Variants in GLT1D1 observed in about 807,000 individuals in gnomAD.
GLT1D1 encodes the protein glycosyltransferase 1 domain-containing protein 1.
In GLT1D1, 21 loss-of-function variants were observed where a neutral mutation model predicts 28.7. The observed-to-expected ratio is 0.73, with a 90% CI of 0.52 to 1.05. GLT1D1 has a LOEUF of 1.05. Among genes scored for constraint, GLT1D1 ranks in the 50% least tolerant of loss-of-function variants. GLT1D1 has a pLI of 0.00. For missense variants in GLT1D1, 343 were observed against 330.6 expected (o/e 1.04, Z -0.29); for synonymous variants, 147 against 124.8 (o/e 1.18, Z -1.19).
chr12:128,865,195 C>A (rs1022452171), intron 1 of GLT1D1, among the ~76,000 whole-genome samples: 9 of 152,214 alleles, frequency 5.9e-5, no homozygotes, highest in African/African-American at 9.6e-5. Flanking sequence ...CCTTCCCAGA[C>A]CCCTGTGAAC....
chr12:128,969,087 G>A (rs948262636), intron 7 of GLT1D1, among the ~76,000 whole-genome samples: 7 of 150,948 alleles, frequency 4.6e-5, no homozygotes, highest in Non-Finnish European at 5.9e-5. Flanking sequence ...TGTAGCCCTC[G>A]TCCTCCTCTC....
chr12:128,903,205 C>T (rs946459753), intron 4 of GLT1D1, among the ~76,000 whole-genome samples: 1 of 151,644 alleles, frequency 6.6e-6, no homozygotes, highest in Non-Finnish European at 1.5e-5. Context: ...TGCTGCTTAA[C>T]AAACCAGTTG....
chr12:128,984,798 C>T lies in GLT1D1; in HGVS notation c.*1708C>T, dbSNP rs1400318654. 4 of 152,218 alleles carry T rather than the reference C, an allele frequency of 2.6e-5. No homozygotes were observed. The highest frequency in any genetic ancestry group is 7.2e-5 in the African/African-American group (3 of 41,426). 9.4% of individuals were successfully genotyped at this position (152,218 alleles called of 1,614,324 possible). Reference sequence around the variant, plus strand: ...TGCTATTTACAAAACACTGATCGTCCGAAAGCTTGAATCTGTTCCTCCTCG... The same window carrying T: ...TGCTATTTACAAAACACTGATCGTCTGAAAGCTTGAATCTGTTCCTCCTCG... On this transcript the variant is annotated 3_prime_UTR_variant, in exon 8 of 8. Coordinates refer to ENST00000281703, the MANE Select transcript of GLT1D1 (RefSeq NM_144669.3).
At chr12:128,944,658 CT>C in intron 4 of GLT1D1, 1 of 730,394 alleles carries the variant, frequency 1.4e-6, no homozygotes, top group South Asian at 1.4e-5. Flanking sequence ...GGGCTTCTGC[CT>C]GTGGAAGTGT....
chr12:128,979,936 G>A (rs1369182739), intron 7 of GLT1D1, among the ~76,000 whole-genome samples: 1 of 152,232 alleles, frequency 6.6e-6, no homozygotes, highest in African/African-American at 2.4e-5. Context: ...CTACTGTACT[G>A]AGAGTAAAAA....
intron 4 of GLT1D1, among the ~76,000 whole-genome samples, chr12:128,939,399 T>TA (rs772160842): frequency 0.019 from 2,200 of 116,530 alleles, 49 homozygotes; most frequent in African/African-American, 0.055. Flanking sequence ...CTGTCTCTAC[T>TA]AAAAAAAAAA....
intron 7 of GLT1D1, among the ~76,000 whole-genome samples, chr12:128,961,192 G>T (rs777084676): frequency 1.3e-5 from 2 of 152,218 alleles, no homozygotes; most frequent in Non-Finnish European, 2.9e-5. Context: ...TATGTGAGGA[G>T]ATTATAGCAA....
At chr12:128,888,010 GACTCAC>G (rs1868590799) in intron 2 of GLT1D1, among the ~76,000 whole-genome samples, 1 of 152,164 alleles carries the variant, frequency 6.6e-6, no homozygotes, top group Non-Finnish European at 1.5e-5. Context: ...GCAGGGAGTG[GACTCAC>G]ACACTGCCTC....
At position 128,891,118 on chromosome 12, in the gene GLT1D1, A is replaced by AT. The variant is rs35431427; in HGVS notation, c.323+2377dup. Among the ~76,000 whole-genome samples the AT allele has an allele frequency of 2.2e-4, 34 of 151,614 alleles. No individual in the cohort carries two copies. In the East Asian group the frequency reaches 4.8e-3, roughly 22 times the overall value. ...GCGACACTGTCTCAAAAAAAAAAAAATTTAATTAATTAAAAAAATAAAAAA... is the reference window on the plus strand; with the variant it reads ...GCGACACTGTCTCAAAAAAAAAAAAATTTTAATTAATTAAAAAAATAAAAAA... On this transcript the variant is annotated intron_variant, in intron 3 of 7. Coordinates refer to ENST00000281703, the MANE Select transcript of GLT1D1 (RefSeq NM_144669.3).
chr12:128,919,968 TCTCTCTCTCTCTCTCTCTCTCTCCCC>T (rs762062445), intron 4 of GLT1D1, among the ~76,000 whole-genome samples: 2,950 of 14,356 alleles, frequency 0.21, 101 homozygotes, highest in Middle Eastern at 0.33. Context: ...TCTCTCTCTC[TCTCTCTCTCTCTCTCTCTCTCTCCCC>T]CTCCATCTCT....
At chr12:128,902,369 GCTA>G (rs1870373244) in intron 4 of GLT1D1, among the ~76,000 whole-genome samples, 1 of 151,072 alleles carries the variant, frequency 6.6e-6, no homozygotes, top group African/African-American at 2.5e-5. Flanking sequence ...TGTAATCCCA[GCTA>G]CTTTCGGGAG....
At chr12:128,874,101 TC>T (rs1315182931) in intron 1 of GLT1D1, among the ~76,000 whole-genome samples, 35 of 32,518 alleles carry the variant, frequency 1.1e-3, no homozygotes, top group African/African-American at 3.5e-3. Flanking sequence ...TCTTTCTTTC[TC>T]TCTCTCTCTC....
At chr12:128,954,749 A>G (rs1397003629) in intron 6 of GLT1D1, among the ~76,000 whole-genome samples, 1 of 152,216 alleles carries the variant, frequency 6.6e-6, no homozygotes, top group Non-Finnish European at 1.5e-5. Context: ...CAGGAGTTTC[A>G]GATGAGTGTG....
At chr12:128,931,123 T>A (rs534843846) in intron 4 of GLT1D1, among the ~76,000 whole-genome samples, 1 of 151,200 alleles carries the variant, frequency 6.6e-6, no homozygotes, top group Non-Finnish European at 1.5e-5. Context: ...TGCCTCAGAC[T>A]CCTTAGTAGC....
intron 4 of GLT1D1, among the ~76,000 whole-genome samples, chr12:128,942,735 G>GTTGTTT (rs1875440178): frequency 3.3e-5 from 3 of 89,578 alleles, no homozygotes; most frequent in African/African-American, 8.6e-5. Context: ...AATTTTCTTT[G>GTTGTTT]TTTGTTTGTT....
At chr12:128,907,461 A>G (rs892800956) in intron 4 of GLT1D1, among the ~76,000 whole-genome samples, 3 of 152,022 alleles carry the variant, frequency 2.0e-5, no homozygotes, top group Admixed American at 6.6e-5. Context: ...GCCCGCCACC[A>G]CACCCAGCTA....
chr12:128,965,201 A>C (rs1310167148), intron 7 of GLT1D1, among the ~76,000 whole-genome samples: 1 of 152,224 alleles, frequency 6.6e-6, no homozygotes, highest in Non-Finnish European at 1.5e-5. Flanking sequence ...CTTTAAATTT[A>C]GATCTAGAGG....
At position 128,947,822 on chromosome 12, in the gene GLT1D1, C is replaced by A. The variant is rs184191144; in HGVS notation, c.540+364C>A. On this transcript the variant is annotated intron_variant, in intron 6 of 7. Coordinates refer to ENST00000281703, the MANE Select transcript of GLT1D1 (RefSeq NM_144669.3). ...GAAGCCTCCCTTTACTTGATCTTTT[C>A]TCTTTCTTTTCCATATGTTCTGTAA... Among the ~76,000 whole-genome samples, 440 of 152,274 alleles carry A rather than the reference C, an allele frequency of 2.9e-3. 6 individuals are homozygous for A. Among genetic ancestry groups the A allele is most frequent in the African/African-American group, 8.9e-3 (371 of 41,550 alleles).
rs1320410079 is a variant in GLT1D1, at chr12:128,890,338, T to C, written c.323+1594T>C. Among the ~76,000 whole-genome samples the C allele has an allele frequency of 3.9e-5, 6 of 152,296 alleles. No homozygotes were observed. In the East Asian group the frequency reaches 1.2e-3, roughly 29 times the overall value. ...GCTGATAAAGGCCCATTATAATCTT[T>C]GAACTCAATTTGTTGTCATTGTGTC... is the stretch of plus-strand genomic sequence containing the variant. On this transcript the variant is annotated intron_variant, in intron 3 of 7. Coordinates refer to ENST00000281703, the MANE Select transcript of GLT1D1 (RefSeq NM_144669.3).
Sources: allele counts gnomAD v4.1 joint callset (sites outside exome capture counted in the v4.1 genomes callset), GRCh38; gene constraint gnomAD v4.1.1; transcripts MANE v1.5; gene names NCBI Gene and HGNC (gene_info 2026-07-23, HGNC 2026-07-21).